Variants in WDR70 observed in about 807,000 individuals in gnomAD.
WDR70 encodes the protein WD repeat domain 70.
In WDR70, 53 loss-of-function variants were observed where a neutral mutation model predicts 88.6. The ratio of observed to expected loss-of-function variants is 0.60; its 90% CI spans 0.48 to 0.75. The LOEUF is 0.75. Among genes scored for constraint, WDR70 ranks in the 30% least tolerant of loss-of-function variants. WDR70 has a pLI of 0.00. For synonymous variants in WDR70, 280 were observed against 270.0 expected, an observed-to-expected ratio of 1.04 and a Z score of -0.36; for missense variants, 610 against 823.2, an observed-to-expected ratio of 0.74 and a Z score of 3.17.
intron 3 of WDR70, among the ~76,000 whole-genome samples, chr5:37,391,109 A>G (rs748263379): frequency 2.0e-5 from 3 of 152,182 alleles, no homozygotes; most frequent in Non-Finnish European, 2.9e-5. Flanking sequence ...CACCATCTAC[A>G]TTATGCTAAT....
rs533327789 is a variant in WDR70, at chr5:37,680,636, C to T, written c.1093-17019C>T. 1.6e-4 allele frequency among the ~76,000 whole-genome samples: 25 copies of T among 152,300 alleles called. No homozygotes were observed. The South Asian group carries it at 2.3e-3, about 14-fold the overall frequency. ...GCATATGGCTAGCCAGTTCTCCTAG[C>T]GCTATTTATTAAATAGGGAATTCTT... On this transcript the variant is annotated intron_variant, in intron 10 of 17. Transcript: ENST00000265107.
chr5:37,430,584 G>A (rs754281180), intron 5 of WDR70, among the ~76,000 whole-genome samples: 1 of 149,194 alleles, frequency 6.7e-6, no homozygotes, highest in Non-Finnish European at 1.5e-5. Context: ...TTTTTGATAC[G>A]GAGTCTCGCT....
At chr5:37,608,038 CTTTTTTTTT>C (rs11295618) in intron 10 of WDR70, among the ~76,000 whole-genome samples, 1 of 100,622 alleles carries the variant, frequency 9.9e-6, no homozygotes, top group African/African-American at 3.8e-5. Flanking sequence ...CTGCAACACT[CTTTTTTTTT>C]TTTTTTTTTT....
intron 10 of WDR70, among the ~76,000 whole-genome samples, chr5:37,680,180 AT>A (rs1392986376): frequency 7.0e-6 from 1 of 142,552 alleles, no homozygotes; most frequent in African/African-American, 2.6e-5. Flanking sequence ...TCATATGTTT[AT>A]TGGCTGCATG....
chr5:37,607,625 C>T (rs1432985109), intron 10 of WDR70, among the ~76,000 whole-genome samples: 1 of 152,094 alleles, frequency 6.6e-6, no homozygotes, highest in African/African-American at 2.4e-5. Flanking sequence ...AAATAAAATA[C>T]AATTAGAATT....
At chr5:37,563,386 G>A (rs1742596495) in intron 9 of WDR70, among the ~76,000 whole-genome samples, 1 of 58,674 alleles carries the variant, frequency 1.7e-5, no homozygotes, top group African/African-American at 5.7e-5. Flanking sequence ...CCGGGCAGAG[G>A]CGCCCCTCAC....
chr5:37,549,659 C>G (rs577367132), intron 9 of WDR70, among the ~76,000 whole-genome samples: 1 of 152,174 alleles, frequency 6.6e-6, no homozygotes, highest in South Asian at 2.1e-4. Context: ...CTAGCTAGGA[C>G]TTCCAGCACT....
At chr5:37,557,909 T>C (rs1289879664) in intron 9 of WDR70, among the ~76,000 whole-genome samples, 1 of 131,592 alleles carries the variant, frequency 7.6e-6, no homozygotes, top group Non-Finnish European at 1.7e-5. Context: ...TTATACTCTT[T>C]TGAAAACTCT....
intron 4 of WDR70, among the ~76,000 whole-genome samples, chr5:37,395,785 T>A (rs924717805): frequency 4.6e-5 from 7 of 152,136 alleles, no homozygotes; most frequent in African/African-American, 9.7e-5. Flanking sequence ...CTTTTTAAAA[T>A]TTTTAAATTA....
At chr5:37,676,860 G>C (rs1746240249) in intron 10 of WDR70, among the ~76,000 whole-genome samples, 1 of 152,140 alleles carries the variant, frequency 6.6e-6, no homozygotes, top group South Asian at 2.1e-4. Context: ...AATCCATCTG[G>C]TCTTGGACTC....
chr5:37,599,412 G>T (rs576737987), intron 9 of WDR70, among the ~76,000 whole-genome samples: 1 of 152,210 alleles, frequency 6.6e-6, no homozygotes, highest in African/African-American at 2.4e-5. Flanking sequence ...TTCAATCAAA[G>T]GGTTTGGAAA....
At chr5:37,496,571 C>A (rs932170931) in intron 8 of WDR70, among the ~76,000 whole-genome samples, 2 of 152,348 alleles carry the variant, frequency 1.3e-5, no homozygotes, top group East Asian at 1.9e-4. Flanking sequence ...TCCGGACTCA[C>A]TAATGTCTTC....
At chr5:37,744,070 C>T (rs946430180) in intron 17 of WDR70, among the ~76,000 whole-genome samples, 5 of 152,166 alleles carry the variant, frequency 3.3e-5, no homozygotes, top group African/African-American at 1.2e-4. Flanking sequence ...GGAGGAGGCA[C>T]CCACCTTGGC....
intron 8 of WDR70, among the ~76,000 whole-genome samples, chr5:37,505,166 T>C (rs1353530659): frequency 6.6e-6 from 1 of 152,216 alleles, no homozygotes; most frequent in Non-Finnish European, 1.5e-5. Flanking sequence ...TTGTCTTTTA[T>C]CAGGCAACTC....
rs150814522 is a variant in WDR70, at chr5:37,558,572, C to T, written c.917+41982C>T. Among the ~76,000 whole-genome samples the T allele has an allele frequency of 9.9e-5, 15 of 152,148 alleles. No homozygotes were observed. The East Asian group carries it at 2.7e-3, about 27-fold the overall frequency. On this transcript the variant is annotated intron_variant, in intron 9 of 17. Coordinates refer to ENST00000265107, the MANE Select transcript of WDR70 (RefSeq NM_018034.4). ...AACTCCTCGGCTCAAACAATCCACC[C>T]GCCTCAGCCTCCTAAAGTGCTGAGA...
At chr5:37,480,137 T>C (rs1165911036) in intron 8 of WDR70, 150 bp downstream of exon 8, 4 of 1,034,958 alleles carry the variant, frequency 3.9e-6, no homozygotes, top group Non-Finnish European at 5.5e-6. Context: ...ATTGATTGGG[T>C]GGTTCTGCTT....
chr5:37,592,451 A>G (rs1743559794), intron 9 of WDR70, among the ~76,000 whole-genome samples: 1 of 152,224 alleles, frequency 6.6e-6, no homozygotes, highest in Non-Finnish European at 1.5e-5. Flanking sequence ...ACATATTAAT[A>G]CAGTAAAAAA....
chr5:37,731,997 T>C (rs1748159228), intron 17 of WDR70, among the ~76,000 whole-genome samples: 1 of 152,184 alleles, frequency 6.6e-6, no homozygotes. Context: ...TAACGAGTTA[T>C]TTTGATAAAG....
intron 5 of WDR70, among the ~76,000 whole-genome samples, chr5:37,430,822 A>C (rs565935517): frequency 6.6e-6 from 1 of 151,786 alleles, no homozygotes; most frequent in Non-Finnish European, 1.5e-5. Context: ...CGGCCTCCCA[A>C]CTGCTGGGAT....
Sources: gnomAD v4.1 joint callset for allele counts (sites outside exome capture counted in the v4.1 genomes callset) on GRCh38, gnomAD v4.1.1 for gene constraint, MANE v1.5 for transcripts, NCBI Gene and HGNC (gene_info 2026-07-23, HGNC 2026-07-21) for gene names.